Variants in CHRM5 observed in about 807,000 individuals in gnomAD.
The protein encoded by CHRM5 is cholinergic receptor muscarinic 5.
Under a neutral mutation model 39.0 loss-of-function variants are expected in CHRM5, and 18 were observed. That is an observed-to-expected ratio of 0.46 (90% CI 0.32 to 0.68). The LOEUF (loss-of-function observed/expected upper bound fraction) is 0.68, where lower values mean the gene tolerates loss of function less well. CHRM5 is among the 30% of genes least tolerant of loss of function. The probability of loss-of-function intolerance (pLI) is 0.04; values close to 1 mark genes in which losing one functional copy is unlikely to be tolerated. For missense variants in CHRM5, 515 were observed against 651.1 expected, an observed-to-expected ratio of 0.79 and a Z score of 2.28; for synonymous variants, 241 against 246.3, an observed-to-expected ratio of 0.98 and a Z score of 0.20.
chr15:34,008,331 G>C (rs1166050181), intron 1 of CHRM5, among the ~76,000 whole-genome samples: 1 of 151,788 alleles, frequency 6.6e-6, no homozygotes, highest in Non-Finnish European at 1.5e-5. Context: ...TGAGGTGATA[G>C]GATCAGCTGA....
intron 1 of CHRM5, among the ~76,000 whole-genome samples, chr15:34,020,237 G>A (rs1277591469): frequency 6.6e-6 from 1 of 152,070 alleles, no homozygotes; most frequent in East Asian, 1.9e-4. Flanking sequence ...CGTGAACCAG[G>A]GAGGCGGAGC....
At chr15:33,983,377 C>A (rs969587749) in intron 1 of CHRM5, among the ~76,000 whole-genome samples, 1 of 151,506 alleles carries the variant, frequency 6.6e-6, no homozygotes, top group African/African-American at 2.4e-5. Context: ...CTCATTAACC[C>A]CATTCAGTTA....
At chr15:34,040,195 T>C (rs1241175172) in intron 1 of CHRM5, among the ~76,000 whole-genome samples, 1 of 152,022 alleles carries the variant, frequency 6.6e-6, no homozygotes, top group Non-Finnish European at 1.5e-5. Flanking sequence ...GCCCCTGCCC[T>C]CAAGTAGCTC....
At chr15:33,970,748 C>T (rs911110762) in intron 1 of CHRM5, among the ~76,000 whole-genome samples, 1 of 151,892 alleles carries the variant, frequency 6.6e-6, no homozygotes, top group Non-Finnish European at 1.5e-5. Context: ...TTAAAGGGGG[C>T]AGATAACAAT....
intron 1 of CHRM5, among the ~76,000 whole-genome samples, chr15:34,041,449 G>A (rs552181837): frequency 2.0e-4 from 31 of 152,284 alleles, no homozygotes; most frequent in Non-Finnish European, 3.5e-4. Flanking sequence ...AGTGAGAGAC[G>A]AGACCAGTGG....
intron 2 of CHRM5, among the ~76,000 whole-genome samples, chr15:34,052,710 C>T (rs900658449): frequency 9.2e-5 from 14 of 152,142 alleles, no homozygotes; most frequent in African/African-American, 3.4e-4. Flanking sequence ...AACAGGAAAG[C>T]ACAGAGCCAA....
At chr15:34,010,957 A>G (rs993170986) in intron 1 of CHRM5, among the ~76,000 whole-genome samples, 4 of 152,210 alleles carry the variant, frequency 2.6e-5, no homozygotes, top group Non-Finnish European at 4.4e-5. Context: ...CTATTAAAAA[A>G]CATTATCTTT....
intron 1 of CHRM5, among the ~76,000 whole-genome samples, chr15:33,983,403 T>C (rs1041717872): frequency 1.3e-4 from 20 of 152,044 alleles, no homozygotes; most frequent in African/African-American, 3.9e-4. Context: ...AACGCTTCCA[T>C]TCTTCAAAGA....
intron 1 of CHRM5, among the ~76,000 whole-genome samples, chr15:33,975,035 C>T (rs182696658): frequency 6.6e-6 from 1 of 152,186 alleles, no homozygotes; most frequent in East Asian, 1.9e-4. Flanking sequence ...AGCCATGTTC[C>T]TTCTTTCAAA....
In CHRM5 at chr15:34,062,786, A is replaced by C; in HGVS notation, c.69A>C (p.Glu23Asp). Reference sequence around the variant, plus strand: ...CCCCAGTAAATCACCAGCCTTTGGAACGCCACAGGTTGTGGGAAGTCATCA... The same window carrying C: ...CCCCAGTAAATCACCAGCCTTTGGACCGCCACAGGTTGTGGGAAGTCATCA... ...NGTPVNHQPL[E>D]RHRLWEVITI... The change falls in exon 3 of 3, where the codon GAA becomes GAC. Residue 23 changes from glutamate (E) to aspartate (D), a missense_variant. Transcript: ENST00000383263. 1 of 1,614,210 alleles carries C rather than the reference A, an allele frequency of 6.2e-7. No individual in the cohort carries two copies. Among genetic ancestry groups the C allele is most frequent in the Non-Finnish European group, 8.5e-7 (1 of 1,180,024 alleles).
At chr15:34,025,769 T>C (rs1234667768) in intron 1 of CHRM5, among the ~76,000 whole-genome samples, 1 of 152,112 alleles carries the variant, frequency 6.6e-6, no homozygotes, top group African/African-American at 2.4e-5. Context: ...TGTGTGTGTG[T>C]GTTTGTGTGT....
At chr15:34,038,726 C>T (rs1899292229) in intron 1 of CHRM5, 5 of 1,129,912 alleles carry the variant, frequency 4.4e-6, no homozygotes, top group South Asian at 8.7e-5. Context: ...GCGGCCTCGG[C>T]CCCACTTGCC....
chr15:34,014,802 G>T (rs1488757012), intron 1 of CHRM5, among the ~76,000 whole-genome samples: 2 of 152,292 alleles, frequency 1.3e-5, no homozygotes, highest in African/African-American at 4.8e-5. Context: ...TGAGAATGTG[G>T]CCCCTTGACC....
chr15:34,017,497 T>TTTTTTTTTG (rs1555516619), intron 1 of CHRM5, among the ~76,000 whole-genome samples: 44 of 133,392 alleles, frequency 3.3e-4, no homozygotes, highest in Middle Eastern at 3.8e-3. Context: ...TTTTTTTTTT[T>TTTTTTTTTG]TTTGAGACAG....
At chr15:33,983,557 T>G (rs952478707) in intron 1 of CHRM5, among the ~76,000 whole-genome samples, 2 of 152,084 alleles carry the variant, frequency 1.3e-5, no homozygotes, top group Non-Finnish European at 2.9e-5. Flanking sequence ...CAGAGAGAAC[T>G]AGTTCCCCTG....
At chr15:34,025,442 TG>T (rs1432877321) in intron 1 of CHRM5, among the ~76,000 whole-genome samples, 1 of 151,616 alleles carries the variant, frequency 6.6e-6, no homozygotes, top group Non-Finnish European at 1.5e-5. Flanking sequence ...TAGACTAGAG[TG>T]GTTAGGATGC....
At chr15:33,985,465 T>C (rs949658700) in intron 1 of CHRM5, among the ~76,000 whole-genome samples, 3 of 109,492 alleles carry the variant, frequency 2.7e-5, no homozygotes, top group East Asian at 2.6e-4. Flanking sequence ...CTTGAGTAAG[T>C]AGAAGCAACC....
intron 1 of CHRM5, among the ~76,000 whole-genome samples, chr15:33,998,997 C>A (rs965230925): frequency 2.0e-5 from 3 of 152,216 alleles, no homozygotes; most frequent in African/African-American, 4.8e-5. Context: ...CTCTATCCAG[C>A]AGCCTGCTCC....
intron 1 of CHRM5, chr15:34,007,108 G>A (rs1567462717): frequency 1.0e-6 from 1 of 957,164 alleles, no homozygotes; most frequent in East Asian, 1.2e-4. Context: ...AGATTAATAA[G>A]CTGAAGACCT....
Sources: allele counts gnomAD v4.1 joint callset (sites outside exome capture counted in the v4.1 genomes callset), GRCh38; gene constraint gnomAD v4.1.1; transcripts MANE v1.5; gene names NCBI Gene and HGNC (gene_info 2026-07-23, HGNC 2026-07-21).